ZNF384: variants seen among roughly 807,000 people sequenced by gnomAD.
ZNF384 encodes zinc finger protein 384.
In ZNF384, 20 loss-of-function variants were observed where a neutral mutation model predicts 65.0. The observed-to-expected ratio is 0.31, with a 90% CI of 0.22 to 0.45. The LOEUF is 0.45. ZNF384 is among the 20% of genes least tolerant of loss of function. The probability of loss-of-function intolerance (pLI) is 1.00; values close to 1 mark genes in which losing one functional copy is unlikely to be tolerated. For missense variants in ZNF384, 549 were observed against 769.4 expected, an observed-to-expected ratio of 0.71 and a Z score of 3.39; for synonymous variants, 310 against 303.9, an observed-to-expected ratio of 1.02 and a Z score of -0.21.
intron 1 of ZNF384, 117 bp from the exon 2 acceptor site, chr12:6,688,343 G>A (rs903310738): frequency 1.3e-5 from 2 of 152,434 alleles, no homozygotes; most frequent in Non-Finnish European, 2.9e-5. Flanking sequence ...AGACCCCCCA[G>A]CCAGCAATCC....
intron 2 of ZNF384, among the ~76,000 whole-genome samples, chr12:6,682,921 T>C (rs1956577786): frequency 6.6e-6 from 1 of 152,246 alleles, no homozygotes; most frequent in East Asian, 1.9e-4. Context: ...GCATAATCCC[T>C]GTCTAACCTT....
chr12:6,679,405 C>A, intron 3 of ZNF384, 50 bp downstream of exon 3: 1 of 1,534,138 alleles, frequency 6.5e-7, no homozygotes, highest in Non-Finnish European at 9.0e-7. Context: ...TCCATAGTAA[C>A]AGAACTTACT....
At position 6,667,750 on chromosome 12, in the gene ZNF384, G is replaced by A. The variant is rs200819802; in HGVS notation, c.1791C>T (p.Thr597=). 9 of 1,614,172 alleles carry A rather than the reference G, an allele frequency of 5.6e-6. No individual in the cohort carries two copies. In the African/African-American group the frequency reaches 8.0e-5, roughly 14 times the overall value. The change falls in exon 12 of 12, where the codon ACC becomes ACT. Residue 597 remains threonine, a synonymous_variant. Coordinates refer to ENST00000683879, the MANE Select transcript of ZNF384 (RefSeq NM_001385745.1). ...CCAGGTGCTCCACCTGGATGGTGCT[G>A]GTGGTGACAGTGAGGCAGATGTCCT... ...HHKDICLTVT[T]STIQVEHLAS... is the part of the protein sequence containing the mutation.
rs1327130180 is a variant in ZNF384, at chr12:6,667,996, AGCCTGGGCTTGAGCTTGAGCCTGG to A, written c.1521_1544del (p.Gln520_Ala527del). 5 of 1,612,602 alleles carry A rather than the reference AGCCTGGGCTTGAGCTTGAGCCTGG, an allele frequency of 3.1e-6. No individual in the cohort carries two copies. The highest frequency in any genetic ancestry group is 1.7e-5 in the Admixed American group (1 of 59,884). On this transcript the variant is annotated inframe_deletion, in exon 12 of 12. Transcript: ENST00000683879. ...GGGCCTGGGCTTGAGCCTGAGCCTG[AGCCTGGGCTTGAGCTTGAGCCTGG>A]GCCTGGGCCACTGCTGCCGCTGCTG...
In ZNF384 at chr12:6,677,186, T is replaced by C; in HGVS notation, c.760A>G (p.Asn254Asp). 1.7e-6 allele frequency: 2 copies of C among 1,179,226 alleles called. No homozygotes were observed. Among genetic ancestry groups the C allele is most frequent in the Non-Finnish European group, 2.3e-6 (2 of 880,664 alleles). 73.0% of individuals were successfully genotyped at this position (1,179,226 alleles called of 1,614,324 possible). A position where few individuals can be genotyped will look rare whatever the true frequency, so the allele number is the denominator to read the frequency against. Residue 254 changes from asparagine to aspartate, a missense_variant, in exon 7 of 12, where the codon AAT becomes GAT. Around this residue, in one of 5 missense-constraint regions of ZNF384, gnomAD observed 277 missense variants for 337.2 expected, o/e 0.82. Coordinates refer to ENST00000683879, the MANE Select transcript of ZNF384 (RefSeq NM_001385745.1). ...ACTTGCCCAGGGTCACACAGCAAATTCGTGGTGGAGCCGGGAACTGAATCC... is the reference window on the plus strand; with the variant it reads ...ACTTGCCCAGGGTCACACAGCAAATCCGTGGTGGAGCCGGGAACTGAATCC... ...LMDSVPGSTTNLLCDPGCRMC... is the reference protein window; with the variant it reads ...LMDSVPGSTTDLLCDPGCRMC...
At chr12:6,677,886 T>C (rs1375611179) in intron 6 of ZNF384, among the ~76,000 whole-genome samples, 1 of 152,104 alleles carries the variant, frequency 6.6e-6, no homozygotes, top group Non-Finnish European at 1.5e-5. Context: ...AATTAGTCAG[T>C]GTTAACGACC....
At position 6,678,046 on chromosome 12, in the gene ZNF384, G is replaced by C; in HGVS notation, c.686+81C>G. 3 of 1,353,848 alleles carry C rather than the reference G, an allele frequency of 2.2e-6. No individual in the cohort carries two copies. Among genetic ancestry groups the C allele is most frequent in the Non-Finnish European group, 3.1e-6 (3 of 972,988 alleles). 83.9% of individuals were successfully genotyped at this position (1,353,848 alleles called of 1,614,324 possible). ...GCTGTCAGAGTGTAGCGCCTGACCG[G>C]GGCAGAACACAATGAGGGTACAGGG... On this transcript the variant is annotated intron_variant, in intron 6 of 11. Transcript: ENST00000683879. The surrounding 1 kb of genome is among the most constrained non-coding windows in gnomAD (Gnocchi z 4.9).
chr12:6,678,600 C>A lies in ZNF384; in HGVS notation c.352+63G>T. The A allele has an allele frequency of 9.4e-6, 15 of 1,593,720 alleles. No homozygotes were observed. The highest frequency in any genetic ancestry group is 1.3e-5 in the Non-Finnish European group (15 of 1,166,056). On this transcript the variant is annotated intron_variant, in intron 5 of 11. Transcript: ENST00000683879. The surrounding 1 kb of genome is among the most constrained non-coding windows in gnomAD (Gnocchi z 4.9). The stretch of plus-strand genomic sequence containing the variant: ...CCAGAGTACACAGGAAATCCCAAAC[C>A]CTGTAGAAAAATAATGGTCTCCTAA...
At chr12:6,679,736 A>C (rs2137005799) in intron 2 of ZNF384, among the ~76,000 whole-genome samples, 1 of 152,292 alleles carries the variant, frequency 6.6e-6, no homozygotes, top group South Asian at 2.1e-4. Flanking sequence ...ATCCTACTTC[A>C]TGACTGTGAA....
chr12:6,669,276 G>T (rs965687497), intron 10 of ZNF384, 87 bp from the exon 11 acceptor site: 2 of 1,357,182 alleles, frequency 1.5e-6, no homozygotes, highest in East Asian at 4.9e-5. Context: ...AAAGGTAGGT[G>T]TCAGGCCTCC....
Position 6,668,886 on chromosome 12 carries a change from A to T in ZNF384, c.1425+145T>A, listed in dbSNP as rs965801724. On this transcript the variant is annotated intron_variant, in intron 11 of 11. Coordinates refer to ENST00000683879, the MANE Select transcript of ZNF384 (RefSeq NM_001385745.1). ...TAAATTCCTCAGAATGGGTCTAATT[A>T]ATTTCTGAATATTTACCTGTTCTGC... 1.2e-5 allele frequency: 9 copies of T among 782,144 alleles called. No homozygotes were observed. In the Admixed American group the frequency reaches 3.3e-4, roughly 29 times the overall value. The allele number at this position is 782,144 out of a possible 1,614,324, so 48.5% of individuals were successfully genotyped here.
intron 7 of ZNF384, 118 bp downstream of exon 7, chr12:6,677,049 G>C: frequency 3.1e-6 from 1 of 326,394 alleles, no homozygotes; most frequent in Non-Finnish European, 6.0e-6. Context: ...TTCTTTTGAA[G>C]TTCCCAACAT....
Position 6,672,412 on chromosome 12 carries a change from G to A in ZNF384, c.1125C>T (p.Pro375=). The change falls in exon 9 of 12, where the codon CCC becomes CCT. Residue 375 remains proline, a synonymous_variant. Coordinates refer to ENST00000683879, the MANE Select transcript of ZNF384 (RefSeq NM_001385745.1). The surrounding 1 kb of genome is among the most constrained non-coding windows in gnomAD (Gnocchi z 4.4). ...CCTTCTGGCAGTAGGAACAGTTGTA[G>A]GGCTTGGCCCCCGAGTGGATACGGA... ...QHLRIHSGAK[P]YNCSYCQKAF... is the part of the protein sequence containing the mutation. The A allele has an allele frequency of 1.2e-6, 2 of 1,614,202 alleles. No homozygotes were observed. The highest frequency in any genetic ancestry group is 1.7e-6 in the Non-Finnish European group (2 of 1,179,990).
intron 3 of ZNF384, 50 bp from the exon 4 acceptor site, chr12:6,679,233 G>T: frequency 6.7e-7 from 1 of 1,494,574 alleles, no homozygotes; most frequent in South Asian, 1.3e-5. Flanking sequence ...CTGAGAGGCT[G>T]ATTCTGCTTG....
At position 6,678,023 on chromosome 12, in the gene ZNF384, T is replaced by C. The variant is rs1592390686; in HGVS notation, c.686+104A>G. ...TGCAAGTGGCTCAGAGCTGGGAAGCTGTCAGAGTGTAGCGCCTGACCGGGG... is the reference window on the plus strand; with the variant it reads ...TGCAAGTGGCTCAGAGCTGGGAAGCCGTCAGAGTGTAGCGCCTGACCGGGG... On this transcript the variant is annotated intron_variant, in intron 6 of 11. Coordinates refer to ENST00000683879, the MANE Select transcript of ZNF384 (RefSeq NM_001385745.1). The surrounding 1 kb of genome is among the most constrained non-coding windows in gnomAD (Gnocchi z 4.9). 9.2e-7 allele frequency: 1 copy of C among 1,087,964 alleles called. No homozygotes were observed. Among genetic ancestry groups the C allele is most frequent in the East Asian group, 2.4e-5 (1 of 42,020 alleles). The allele number at this position is 1,087,964 out of a possible 1,614,324, so 67.4% of individuals were successfully genotyped here. A position where few individuals can be genotyped will look rare whatever the true frequency, so the allele number is the denominator to read the frequency against.
chr12:6,669,930 A>ACACG (rs1307196816), intron 10 of ZNF384, among the ~76,000 whole-genome samples: 1 of 150,394 alleles, frequency 6.6e-6, no homozygotes, highest in Non-Finnish European at 1.5e-5. Context: ...TCAAACACGC[A>ACACG]CACGCGCGCG....
In ZNF384 at chr12:6,673,470, C is replaced by A. The variant is rs1367592812; in HGVS notation, c.780-30G>T. The A allele has an allele frequency of 6.2e-7, 1 of 1,602,750 alleles. No individual in the cohort carries two copies. Among genetic ancestry groups the A allele is most frequent in the Admixed American group, 1.7e-5 (1 of 59,298 alleles). On this transcript the variant is annotated intron_variant, in intron 7 of 11. Coordinates refer to ENST00000683879, the MANE Select transcript of ZNF384 (RefSeq NM_001385745.1). The surrounding 1 kb of genome is among the most constrained non-coding windows in gnomAD (Gnocchi z 4.7). ...GCCAAGTGAGGGCAATGGTTAGAAC[C>A]CTTCCCATCAAGAAGGTGTGGCTGA... is the stretch of plus-strand genomic sequence containing the variant.
Position 6,678,310 on chromosome 12 carries a change from A to G in ZNF384, c.503T>C (p.Val168Ala). ...LQVVPDLSKK[V>A]ASTLTEEGGG... ...TCCTTCCTCGGTTAGGGTCGATGCT[A>G]CCTTCTTGGAGAGGTCAGGGACAAC... The change falls in exon 6 of 12, where the codon GTA becomes GCA. Residue 168 changes from valine to alanine, a missense_variant. Coordinates refer to ENST00000683879, the MANE Select transcript of ZNF384 (RefSeq NM_001385745.1). This position sits in a 1 kb window ranked among gnomAD's most constrained non-coding sequence, Gnocchi z 4.9. 6.2e-7 allele frequency: 1 copy of G among 1,613,970 alleles called. No homozygotes were observed. The highest frequency in any genetic ancestry group is 2.2e-5 in the East Asian group (1 of 44,868).
rs1951238966 is a variant in ZNF384, at chr12:6,670,864, AAAGAATGT to A, written c.1188-34_1188-27del. The A allele has an allele frequency of 3.1e-6, 5 of 1,605,358 alleles. No individual in the cohort carries two copies. The Admixed American group carries it at 8.3e-5, about 27-fold the overall frequency. On this transcript the variant is annotated intron_variant, in intron 9 of 11. Coordinates refer to ENST00000683879, the MANE Select transcript of ZNF384 (RefSeq NM_001385745.1). ...CTGCACAGGATAAGAGAAAAAAGGGAAAGAATGTCAGCAAGACCATTTAGGAACTGGCT... is the reference window on the plus strand; with the variant it reads ...CTGCACAGGATAAGAGAAAAAAGGGACAGCAAGACCATTTAGGAACTGGCT...
Sources: allele counts gnomAD v4.1 joint callset (sites outside exome capture counted in the v4.1 genomes callset), GRCh38; gene constraint gnomAD v4.1.1; regional missense constraint gnomAD v4.1.1; non-coding constraint Gnocchi (gnomAD v3.1); transcripts MANE v1.5; gene names NCBI Gene and HGNC (gene_info 2026-07-23, HGNC 2026-07-21).